Variants in WFDC9 observed in about 807,000 individuals in gnomAD.
WFDC9 encodes WAP four-disulfide core domain 9, also known as protein WFDC9.
A neutral mutation model predicts 9.5 loss-of-function variants in WFDC9; 9 were observed. The ratio of observed to expected loss-of-function variants is 0.95; its 90% CI spans 0.57 to 1.65. The LOEUF (loss-of-function observed/expected upper bound fraction) is 1.65, where lower values mean the gene tolerates loss of function less well. Ranked by LOEUF, WFDC9 falls within the 40% of genes most tolerant of loss-of-function variation. The pLI is 0.00. For missense variants in WFDC9, 87 were observed against 106.7 expected (o/e 0.82, Z 0.81); for synonymous variants, 33 against 32.3 (o/e 1.02, Z -0.07).
intron 1 of WFDC9, among the ~76,000 whole-genome samples, chr20:45,627,170 C>T (rs6094182): frequency 0.05 from 7,611 of 152,198 alleles, 366 homozygotes; most frequent in East Asian, 0.24. Context: ...ATAAATCCCA[C>T]TTGATCATGC....
chr20:45,611,371 C>A (rs535424359), intron 2 of WFDC9, among the ~76,000 whole-genome samples: 9 of 152,074 alleles, frequency 5.9e-5, no homozygotes, highest in South Asian at 2.1e-4. Context: ...TAGTTCTGAA[C>A]AATTTATGTA....
chr20:45,614,052 C>G (rs1054822354), intron 2 of WFDC9, among the ~76,000 whole-genome samples: 1 of 152,198 alleles, frequency 6.6e-6, no homozygotes, highest in Non-Finnish European at 1.5e-5. Context: ...TTCCAAAATA[C>G]CACCCTAGAC....
In WFDC9 at chr20:45,626,380, G is replaced by C. The variant is rs149635728; in HGVS notation, c.-153+4823C>G. Among the ~76,000 whole-genome samples the C allele has an allele frequency of 5.4e-3, 817 of 152,234 alleles. 7 individuals carry two copies. Among genetic ancestry groups the C allele is most frequent in the African/African-American group, 0.019 (785 of 41,542 alleles). ...TTGCATTGACTCTGTAGATGGTTTA[G>C]GGTAGTATGGTAATTTTAACAATAT... On this transcript the variant is annotated intron_variant, in intron 1 of 4. Transcript: ENST00000326000.
intron 3 of WFDC9, among the ~76,000 whole-genome samples, 154 bp downstream of exon 3, chr20:45,609,937 A>G (rs929569450): frequency 6.6e-5 from 10 of 152,204 alleles, no homozygotes; most frequent in African/African-American, 1.9e-4. Flanking sequence ...AGAAAACTTA[A>G]AGGAATTGGG....
intron 4 of WFDC9, 147 bp downstream of exon 4, chr20:45,608,516 C>T: frequency 1.0e-6 from 1 of 962,382 alleles, no homozygotes. Context: ...CAGTGAGGAG[C>T]AGCCTAGGTT....
rs1419281285 is a variant in WFDC9 at position 45,628,225 on chromosome 20, T to G, written c.-153+2978A>C. Among the ~76,000 whole-genome samples the G allele has an allele frequency of 3.3e-5, 5 of 152,190 alleles. No individual in the cohort carries two copies. In the East Asian group the frequency reaches 9.6e-4, roughly 29 times the overall value. On this transcript the variant is annotated intron_variant, in intron 1 of 4. Coordinates refer to ENST00000326000, the MANE Select transcript of WFDC9 (RefSeq NM_147198.4). ...CTCAAATAATAATTCAAAATGAGTATTCTAAAACAATGGGTATCCTTTTTT... is the reference window on the plus strand; with the variant it reads ...CTCAAATAATAATTCAAAATGAGTAGTCTAAAACAATGGGTATCCTTTTTT...
chr20:45,622,830 A>G (rs1982131359), intron 1 of WFDC9, among the ~76,000 whole-genome samples: 1 of 152,234 alleles, frequency 6.6e-6, no homozygotes, highest in Admixed American at 6.5e-5. Context: ...GTGTGAGTGC[A>G]GAAACATTTC....
At chr20:45,630,767 T>C (rs190403558) in intron 1 of WFDC9, 1 of 1,284,718 alleles carries the variant, frequency 7.8e-7, no homozygotes, top group African/African-American at 1.5e-5. Flanking sequence ...TCCAGGAGTA[T>C]CATGACTGAG....
intron 1 of WFDC9, chr20:45,629,688 G>T: frequency 8.1e-7 from 1 of 1,227,794 alleles, no homozygotes; most frequent in Non-Finnish European, 1.1e-6. Flanking sequence ...GCTCCGACTT[G>T]GCCAGTAGAG....
At chr20:45,619,474 A>G (rs986484707) in intron 1 of WFDC9, among the ~76,000 whole-genome samples, 3 of 152,212 alleles carry the variant, frequency 2.0e-5, no homozygotes, top group African/African-American at 7.2e-5. Flanking sequence ...AAAAACAAAG[A>G]CTGAGAGAAT....
intron 1 of WFDC9, among the ~76,000 whole-genome samples, chr20:45,628,711 A>C (rs1211992676): frequency 6.6e-6 from 1 of 152,180 alleles, no homozygotes; most frequent in Admixed American, 6.5e-5. Context: ...GATATGGGGG[A>C]AAGGCTAGAG....
At chr20:45,625,182 G>C (rs972357221) in intron 1 of WFDC9, among the ~76,000 whole-genome samples, 1 of 152,184 alleles carries the variant, frequency 6.6e-6, no homozygotes, top group Non-Finnish European at 1.5e-5. Context: ...TGGCAGGAGA[G>C]AGAGCTCATG....
chr20:45,618,079 G>T (rs1265209516), intron 1 of WFDC9, among the ~76,000 whole-genome samples: 2 of 152,194 alleles, frequency 1.3e-5, no homozygotes, highest in Non-Finnish European at 2.9e-5. Flanking sequence ...TTGCTGTGTA[G>T]CTTCTCCATC....
intron 1 of WFDC9, among the ~76,000 whole-genome samples, chr20:45,616,111 C>T (rs1485195074): frequency 6.6e-6 from 1 of 152,184 alleles, no homozygotes; most frequent in African/African-American, 2.4e-5. Flanking sequence ...TTCTCCATAG[C>T]ATGCAACGCT....
chr20:45,615,417 G>C (rs73908166), intron 1 of WFDC9, among the ~76,000 whole-genome samples: 2,092 of 152,240 alleles, frequency 0.014, 50 homozygotes, highest in African/African-American at 0.047. Context: ...TTCTCTCAAA[G>C]CCTGTCTGCA....
At chr20:45,630,034 G>A (rs1982319413) in intron 1 of WFDC9, 2 of 1,299,416 alleles carry the variant, frequency 1.5e-6, no homozygotes, top group East Asian at 5.1e-5. Context: ...ATGTTGTGTA[G>A]ACTCTGGACT....
intron 1 of WFDC9, among the ~76,000 whole-genome samples, chr20:45,618,771 GAAT>G (rs1017683452): frequency 6.6e-6 from 1 of 152,038 alleles, no homozygotes; most frequent in Non-Finnish European, 1.5e-5. Context: ...ATAATGATAA[GAAT>G]AATAATAATA....
chr20:45,626,693 GT>G (rs1034389034), intron 1 of WFDC9, among the ~76,000 whole-genome samples: 1 of 152,134 alleles, frequency 6.6e-6, no homozygotes, highest in Non-Finnish European at 1.5e-5. Context: ...TAGAGTCTAA[GT>G]TTTTCTCTAC....
Position 45,610,188 on chromosome 20 carries a change from CT to C in WFDC9, c.-8del. On this transcript the variant is annotated 5_prime_UTR_variant, in exon 3 of 5. Transcript: ENST00000326000. ...GAAGAATCCAGGGCTTCATGGTGCT[CT>C]CTGTGTGTATTTGGGTTAAGTTCTG... 1.1e-5 allele frequency: 17 copies of C among 1,613,618 alleles called. No individual in the cohort carries two copies. Among genetic ancestry groups the C allele is most frequent in the Non-Finnish European group, 1.4e-5 (16 of 1,179,762 alleles).
Sources: gnomAD v4.1 joint callset for allele counts (sites outside exome capture counted in the v4.1 genomes callset) on GRCh38, gnomAD v4.1.1 for gene constraint, MANE v1.5 for transcripts, NCBI Gene and HGNC (gene_info 2026-07-23, HGNC 2026-07-21) for gene names.